DOCK2: variants seen among roughly 807,000 people sequenced by gnomAD.
The protein encoded by DOCK2 is dedicator of cytokinesis 2, also known as dedicator of cytokinesis protein 2.
Under a neutral mutation model 248.9 loss-of-function variants are expected in DOCK2, and 87 were observed. The ratio of observed to expected loss-of-function variants is 0.35; its 90% confidence interval spans 0.29 to 0.42. The LOEUF is 0.42. DOCK2 is among the 10% of genes least tolerant of loss of function. The pLI, the probability that DOCK2 is intolerant of heterozygous loss-of-function variation, is 1.00. For missense variants in DOCK2, 1,747 were observed against 2,300.2 expected (o/e 0.76, Z 4.92); for synonymous variants, 805 against 821.6 (o/e 0.98, Z 0.35).
At chr5:169,929,774 A>AG (rs1491305105) in intron 27 of DOCK2, among the ~76,000 whole-genome samples, 32 of 148,808 alleles carry the variant, frequency 2.2e-4, no homozygotes, top group South Asian at 2.2e-4. Flanking sequence ...AGAGAGAGAG[A>AG]AAGAAGCTAT....
intron 27 of DOCK2, among the ~76,000 whole-genome samples, chr5:169,930,804 T>C (rs1313565226): frequency 6.6e-6 from 1 of 152,218 alleles, no homozygotes; most frequent in Non-Finnish European, 1.5e-5. Flanking sequence ...ACCATCTCTC[T>C]TGGTTTCTTT....
At chr5:169,664,468 C>A (rs1453683340) in intron 2 of DOCK2, among the ~76,000 whole-genome samples, 2 of 152,170 alleles carry the variant, frequency 1.3e-5, no homozygotes, top group Admixed American at 6.5e-5. Flanking sequence ...CTCTCAGTAC[C>A]AAGTTTCTGT....
intron 7 of DOCK2, among the ~76,000 whole-genome samples, chr5:169,683,826 A>C (rs545554710): frequency 5.9e-5 from 9 of 152,346 alleles, no homozygotes; most frequent in Admixed American, 3.3e-4. Context: ...TCTAGATACA[A>C]ATTCTTTGTC....
intron 1 of DOCK2, among the ~76,000 whole-genome samples, chr5:169,645,252 A>G (rs986263860): frequency 6.6e-6 from 1 of 152,206 alleles, no homozygotes; most frequent in Admixed American, 6.5e-5. Context: ...ATTCCCACCA[A>G]CAGTGTAAAA....
intron 27 of DOCK2, among the ~76,000 whole-genome samples, chr5:169,854,516 T>C (rs1200657436): frequency 6.6e-6 from 1 of 152,218 alleles, no homozygotes; most frequent in African/African-American, 2.4e-5. Context: ...ATTTCACTTT[T>C]CTTCTGAACA....
At chr5:169,957,104 G>A (rs901849837) in intron 27 of DOCK2, among the ~76,000 whole-genome samples, 2 of 152,136 alleles carry the variant, frequency 1.3e-5, no homozygotes, top group South Asian at 2.1e-4. Context: ...GTACTTTGCA[G>A]TAATAAGACT....
Position 170,037,098 on chromosome 5 carries a change from AATT to A in DOCK2, c.3665+547_3665+549del, listed in dbSNP as rs1339875720. Among the ~76,000 whole-genome samples, 18 of 152,188 alleles carry A rather than the reference AATT, an allele frequency of 1.2e-4. No homozygotes were observed. The South Asian group carries it at 2.9e-3, about 25-fold the overall frequency. Reference sequence around the variant, plus strand: ...CTCATATTTTTTTCTGCAATTTAAAAATTATTGTTACTTTTATTTATAATAAAA... The same window carrying A: ...CTCATATTTTTTTCTGCAATTTAAAAATTGTTACTTTTATTTATAATAAAA... On this transcript the variant is annotated intron_variant, in intron 36 of 51. Coordinates refer to ENST00000520908, the MANE Select transcript of DOCK2 (RefSeq NM_004946.3).
rs747193084 is a variant in DOCK2 at position 170,081,936 on chromosome 5, CAAG to C, written c.5387_5389del (p.Lys1796del). 1 of 1,614,106 alleles carries C rather than the reference CAAG, an allele frequency of 6.2e-7. No homozygotes were observed. The highest frequency in any genetic ancestry group is 1.1e-5 in the South Asian group (1 of 91,084). On this transcript the variant is annotated inframe_deletion, in exon 51 of 52. Coordinates refer to ENST00000520908, the MANE Select transcript of DOCK2 (RefSeq NM_004946.3). The stretch of plus-strand genomic sequence containing the variant: ...CCTTCCTCCAACTCTCAGATGGTGA[CAAG>C]AAGACACTCACACGGAAGAAGGTCA...
In DOCK2 at chr5:169,855,920, G is replaced by T. The variant is rs183577253; in HGVS notation, c.2799+15068G>T. 2.0e-3 allele frequency among the ~76,000 whole-genome samples: 311 copies of T among 152,268 alleles called. 1 individual carries two copies. Among genetic ancestry groups the T allele is most frequent in the African/African-American group, 7.1e-3 (293 of 41,546 alleles). ...AATTTACTCACAGTTCCATGTGGCT[G>T]GGGAGGCCTCAGGAAACTTACAATC... On this transcript the variant is annotated intron_variant, in intron 27 of 51. Transcript: ENST00000520908.
At chr5:169,755,804 G>C (rs138000905) in intron 23 of DOCK2, among the ~76,000 whole-genome samples, 2 of 152,248 alleles carry the variant, frequency 1.3e-5, no homozygotes, top group Admixed American at 1.3e-4. Flanking sequence ...CAGTTCCCAG[G>C]ATAGAAACAT....
intron 22 of DOCK2, among the ~76,000 whole-genome samples, chr5:169,738,685 C>T (rs756121438): frequency 1.3e-4 from 20 of 152,098 alleles, no homozygotes; most frequent in African/African-American, 2.4e-4. Context: ...ATGTATGTAA[C>T]GTGTTATTGC....
chr5:170,078,840 T>G, intron 48 of DOCK2, 135 bp from the exon 49 acceptor site: 1 of 900,518 alleles, frequency 1.1e-6, no homozygotes, highest in Non-Finnish European at 1.7e-6. Context: ...CTCTGCCAGA[T>G]TTGCTGATCT....
chr5:169,642,845 G>T (rs1053330529), intron 1 of DOCK2, among the ~76,000 whole-genome samples: 1 of 152,192 alleles, frequency 6.6e-6, no homozygotes, highest in Admixed American at 6.5e-5. Flanking sequence ...TGTTTTCTAA[G>T]CTCTGCTTCC....
chr5:169,966,580 G>T (rs139957078), intron 27 of DOCK2, among the ~76,000 whole-genome samples: 1 of 152,258 alleles, frequency 6.6e-6, no homozygotes, highest in African/African-American at 2.4e-5. Context: ...ACCTGTGGGT[G>T]AATTCAAATC....
At chr5:169,666,557 A>G (rs188224008) in intron 2 of DOCK2, among the ~76,000 whole-genome samples, 7 of 152,140 alleles carry the variant, frequency 4.6e-5, no homozygotes, top group African/African-American at 1.7e-4. Flanking sequence ...TTTTGTACCA[A>G]CCGTTGTTAT....
At chr5:169,695,959 CATT>C (rs1175032564) in intron 10 of DOCK2, 21 bp downstream of exon 10, 2 of 1,560,822 alleles carry the variant, frequency 1.3e-6, no homozygotes, top group Non-Finnish European at 1.7e-6. Context: ...CACTCTGCAT[CATT>C]GATTTTTATG....
At chr5:169,814,413 C>G (rs567190984) in intron 26 of DOCK2, among the ~76,000 whole-genome samples, 7 of 152,296 alleles carry the variant, frequency 4.6e-5, no homozygotes, top group Admixed American at 4.6e-4. Context: ...CTGTGGCACT[C>G]TCACAGATTT....
chr5:169,830,911 C>T (rs1393260470), intron 26 of DOCK2, among the ~76,000 whole-genome samples: 2 of 152,156 alleles, frequency 1.3e-5, no homozygotes, highest in Non-Finnish European at 2.9e-5. Flanking sequence ...GAGAGCCATT[C>T]CCACAGTAGC....
At chr5:169,806,827 G>A (rs1450518156) in intron 26 of DOCK2, among the ~76,000 whole-genome samples, 1 of 152,092 alleles carries the variant, frequency 6.6e-6, no homozygotes, top group Admixed American at 6.5e-5. Flanking sequence ...TTCCAATCTT[G>A]GGGTAGGGGA....
Sources: gnomAD v4.1 joint callset for allele counts (sites outside exome capture counted in the v4.1 genomes callset) on GRCh38, gnomAD v4.1.1 for gene constraint, MANE v1.5 for transcripts, NCBI Gene and HGNC (gene_info 2026-07-23, HGNC 2026-07-21) for gene names.